C8B: variants seen among roughly 807,000 people sequenced by gnomAD.
The protein encoded by C8B is complement C8 beta chain, also known as complement component C8 beta chain.
C8B carries 67 observed loss-of-function variants against 64.6 expected under a neutral mutation model. The ratio of observed to expected loss-of-function variants is 1.04; its 90% confidence interval spans 0.85 to 1.27. The LOEUF (loss-of-function observed/expected upper bound fraction) is 1.27, where lower values mean the gene tolerates loss of function less well. C8B is among the 50% of genes most tolerant of loss of function. C8B has a pLI of 0.00. For missense variants in C8B, 790 were observed against 725.2 expected (o/e 1.09, Z -1.03); for synonymous variants, 284 against 257.7 (o/e 1.10, Z -0.98).
chr1:56,956,717 A>C, intron 3 of C8B, 52 bp downstream of exon 3: 78 of 1,602,534 alleles, frequency 4.9e-5, no homozygotes, highest in Non-Finnish European at 6.1e-5. Flanking sequence ...GGTCATCAAG[A>C]ACCATTACCT....
In C8B at chr1:56,949,547, A is replaced by G; in HGVS notation, c.864+8T>C. Reference sequence around the variant, plus strand: ...ATATACGTTTAAAAGCAACAAAGACATACTTACAGTATGAGAGAATCGTTT... The same window carrying G: ...ATATACGTTTAAAAGCAACAAAGACGTACTTACAGTATGAGAGAATCGTTT... On this transcript the variant is annotated splice_region_variant and intron_variant, in intron 6 of 11. Transcript: ENST00000371237. 3.7e-6 allele frequency: 6 copies of G among 1,611,542 alleles called. No homozygotes were observed. Among genetic ancestry groups the G allele is most frequent in the Non-Finnish European group, 5.1e-6 (6 of 1,177,728 alleles).
At chr1:56,938,931 A>C (rs1644811872) in intron 9 of C8B, among the ~76,000 whole-genome samples, 1 of 152,044 alleles carries the variant, frequency 6.6e-6, no homozygotes, top group Non-Finnish European at 1.5e-5. Context: ...CCCAGAGTGT[A>C]TATTTCCAAC....
At chr1:56,934,975 C>T (rs551670450) in intron 9 of C8B, among the ~76,000 whole-genome samples, 68 of 152,294 alleles carry the variant, frequency 4.5e-4, no homozygotes, top group African/African-American at 1.4e-3. Flanking sequence ...CTGGAATAAA[C>T]CTTCCATATA....
chr1:56,965,938 G>A lies in C8B; in HGVS notation c.11C>T (p.Ser4Phe). The change falls in exon 1 of 12, where the codon TCC becomes TTC. Residue 4 changes from serine (S) to phenylalanine (F), a missense_variant. Ser to Phe is a radical substitution (Grantham distance 155). Coordinates refer to ENST00000371237, the MANE Select transcript of C8B (RefSeq NM_000066.4). MKNSRTWAWRAPVE... is the reference protein window; with the variant it reads MKNFRTWAWRAPVE... ...CGGCGCCCTCCAAGCCCATGTCCTGGAATTCTTCATTTTCCCAATGTGACA... is the reference window on the plus strand; with the variant it reads ...CGGCGCCCTCCAAGCCCATGTCCTGAAATTCTTCATTTTCCCAATGTGACA... The A allele has an allele frequency of 3.7e-6, 6 of 1,613,816 alleles. No individual in the cohort carries two copies. The highest frequency in any genetic ancestry group is 5.1e-6 in the Non-Finnish European group (6 of 1,179,992).
rs1235746955 is a variant in C8B at position 56,931,888 on chromosome 1, CA to C, written c.1553-11del. ...CAGTCACAGCGTGATCCTGAGAAGA[CA>C]AGGCAGAGAAAGTGTGAATCATGCC... On this transcript the variant is annotated splice_polypyrimidine_tract_variant and intron_variant, in intron 10 of 11. Transcript: ENST00000371237. 6 of 1,609,372 alleles carry C rather than the reference CA, an allele frequency of 3.7e-6. No individual in the cohort carries two copies. In the Admixed American group the frequency reaches 5.0e-5, roughly 13 times the overall value.
At chr1:56,937,946 T>C (rs918272954) in intron 9 of C8B, among the ~76,000 whole-genome samples, 1 of 152,238 alleles carries the variant, frequency 6.6e-6, no homozygotes, top group Non-Finnish European at 1.5e-5. Flanking sequence ...CAAAGAATTC[T>C]AGGGCCAGTT....
intron 4 of C8B, among the ~76,000 whole-genome samples, chr1:56,953,378 G>A (rs932870334): frequency 5.3e-5 from 8 of 152,074 alleles, no homozygotes; most frequent in African/African-American, 1.9e-4. Context: ...TGCTGACTTT[G>A]TGGAGGCATC....
chr1:56,929,470 A>T lies in C8B; in HGVS notation c.1710T>A (p.Asn570Lys). 6.2e-7 allele frequency: 1 copy of T among 1,613,272 alleles called. No individual in the cohort carries two copies. Among genetic ancestry groups the T allele is most frequent in the East Asian group, 2.2e-5 (1 of 44,874 alleles). ...RRKTRQRQCN[N>K]PPPQNGGSPC... Reference sequence around the variant, plus strand: ...GGCTACCCCCATTTTGAGGAGGTGGATTGTTACACTGCCTTTGTCTTGTCT... The same window carrying T: ...GGCTACCCCCATTTTGAGGAGGTGGTTTGTTACACTGCCTTTGTCTTGTCT... The change falls in exon 12 of 12, where the codon AAT (asparagine) becomes AAA (lysine). Residue 570 changes from asparagine (N) to lysine (K), a missense_variant. Asn to Lys is a moderately conservative substitution (Grantham distance 94). Coordinates refer to ENST00000371237, the MANE Select transcript of C8B (RefSeq NM_000066.4).
chr1:56,946,634 A>C (rs1320209474), intron 6 of C8B, among the ~76,000 whole-genome samples: 7 of 152,216 alleles, frequency 4.6e-5, no homozygotes, highest in Non-Finnish European at 2.9e-5. Flanking sequence ...GAATAGTTGC[A>C]ACAGAGACCT....
rs568427817 is a variant in C8B, at chr1:56,940,537, C to T, written c.1398+312G>A. On this transcript the variant is annotated intron_variant, in intron 9 of 11. Coordinates refer to ENST00000371237, the MANE Select transcript of C8B (RefSeq NM_000066.4). Reference sequence around the variant, plus strand: ...ATCAGCCAAGATCATGCCACTGAACCCTAACCTGGGTAACAGAGCAAGACC... The same window carrying T: ...ATCAGCCAAGATCATGCCACTGAACTCTAACCTGGGTAACAGAGCAAGACC... 3.5e-3 allele frequency among the ~76,000 whole-genome samples: 527 copies of T among 151,810 alleles called. 3 individuals are homozygous for T. The highest frequency in any genetic ancestry group is 0.012 in the African/African-American group (515 of 41,382).
intron 1 of C8B, among the ~76,000 whole-genome samples, chr1:56,962,274 G>A (rs1006140405): frequency 5.3e-5 from 8 of 152,166 alleles, no homozygotes; most frequent in Admixed American, 2.0e-4. Flanking sequence ...TATGGAAGGT[G>A]GCAATATAAT....
intron 7 of C8B, 118 bp downstream of exon 7, chr1:56,945,703 A>T: frequency 3.2e-6 from 4 of 1,252,580 alleles, no homozygotes; most frequent in Non-Finnish European, 4.7e-6. Flanking sequence ...GAAGAGGAAG[A>T]GGAATCTGCA....
chr1:56,954,561 T>C (rs1452462851), intron 4 of C8B, 125 bp downstream of exon 4: 1 of 1,310,564 alleles, frequency 7.6e-7, no homozygotes, highest in African/African-American at 1.5e-5. Context: ...TTACTTACAA[T>C]ACAGTCTTTT....
intron 8 of C8B, among the ~76,000 whole-genome samples, chr1:56,942,526 G>A (rs890651619): frequency 2.6e-5 from 4 of 152,054 alleles, no homozygotes; most frequent in African/African-American, 4.8e-5. Flanking sequence ...ACAACATGGC[G>A]AAACCCTGTC....
At chr1:56,942,812 G>A (rs1232926123) in intron 8 of C8B, among the ~76,000 whole-genome samples, 1 of 152,018 alleles carries the variant, frequency 6.6e-6, no homozygotes, top group Non-Finnish European at 1.5e-5. Flanking sequence ...GTTCATGCCT[G>A]TAATTCCAGC....
intron 1 of C8B, 138 bp downstream of exon 1, chr1:56,965,719 T>C (rs1645246016): frequency 4.7e-6 from 4 of 847,234 alleles, no homozygotes; most frequent in African/African-American, 1.7e-5. Context: ...GTTGATAGTA[T>C]GTTATCAGAT....
At chr1:56,949,889 G>T (rs555979595) in intron 5 of C8B, 137 bp from the exon 6 acceptor site, 2 of 692,192 alleles carry the variant, frequency 2.9e-6, no homozygotes, top group Non-Finnish European at 5.1e-6. Flanking sequence ...AATCAGGGCC[G>T]ATTTGTGTCC....
At chr1:56,942,822 C>T (rs1416422011) in intron 8 of C8B, among the ~76,000 whole-genome samples, 2 of 152,032 alleles carry the variant, frequency 1.3e-5, no homozygotes, top group Non-Finnish European at 2.9e-5. Context: ...GTAATTCCAG[C>T]ACTTTGAGGG....
intron 8 of C8B, 46 bp from the exon 9 acceptor site, chr1:56,941,058 C>T (rs150493323): frequency 6.2e-7 from 1 of 1,606,658 alleles, no homozygotes. Flanking sequence ...TATCCCTTTG[C>T]CCCCTAGAAT....
Sources: gnomAD v4.1 joint callset for allele counts (sites outside exome capture counted in the v4.1 genomes callset) on GRCh38, gnomAD v4.1.1 for gene constraint, MANE v1.5 for transcripts, NCBI Gene and HGNC (gene_info 2026-07-23, HGNC 2026-07-21) for gene names.